PFKFB1: variants seen among roughly 807,000 people sequenced by gnomAD.
The protein encoded by PFKFB1 is 6-phosphofructo-2-kinase/fructose-2,6-bisphosphatase 1.
A neutral mutation model predicts 46.4 loss-of-function variants in PFKFB1; 34 were observed. The ratio of observed to expected loss-of-function variants is 0.73; its 90% CI spans 0.56 to 0.98. The LOEUF (loss-of-function observed/expected upper bound fraction) is 0.98. Among genes scored for constraint, PFKFB1 ranks in the 50% least tolerant of loss-of-function variants. PFKFB1 has a pLI of 0.00. For missense variants in PFKFB1, 393 were observed against 376.3 expected, an observed-to-expected ratio of 1.04 and a Z score of -0.37; for synonymous variants, 119 against 133.8, an observed-to-expected ratio of 0.89 and a Z score of 0.76.
chrX:54,945,185 C>T (rs1933762791), intron 10 of PFKFB1, among the ~76,000 whole-genome samples: 1 of 112,404 alleles, frequency 8.9e-6, no homozygotes, highest in African/African-American at 3.2e-5. Flanking sequence ...AGGATAAAGT[C>T]AGCACTTCTG....
At chrX:54,952,379 C>T (rs1201081533) in intron 7 of PFKFB1, among the ~76,000 whole-genome samples, 1 of 111,515 alleles carries the variant, frequency 9.0e-6, no homozygotes, top group Non-Finnish European at 1.9e-5. Flanking sequence ...TTCACCTTCA[C>T]TCATCCTGTT....
chrX:54,962,984 G>A (rs779370149), intron 2 of PFKFB1, among the ~76,000 whole-genome samples: 10 of 112,338 alleles, frequency 8.9e-5, no homozygotes, highest in Non-Finnish European at 1.5e-4. Context: ...TCACAGGATT[G>A]TTTTGAGGTC....
At chrX:54,945,860 A>G (rs1385820347) in intron 9 of PFKFB1, among the ~76,000 whole-genome samples, 3 of 110,817 alleles carry the variant, frequency 2.7e-5, no homozygotes, top group South Asian at 3.8e-4. Flanking sequence ...CATTATACAT[A>G]TAAGTATGTA....
At chrX:54,934,330 C>G (rs1484386101) in intron 12 of PFKFB1, among the ~76,000 whole-genome samples, 1 of 111,911 alleles carries the variant, frequency 8.9e-6, no homozygotes, top group Non-Finnish European at 1.9e-5. Flanking sequence ...CAAAGTTTAT[C>G]TGGAGGACAA....
At chrX:54,973,862 A>T in intron 1 of PFKFB1, among the ~76,000 whole-genome samples, 1 of 111,252 alleles carries the variant, frequency 9.0e-6, no homozygotes, top group Admixed American at 9.6e-5. Flanking sequence ...AATCAAAGTT[A>T]AAAAAAATTT....
chrX:54,965,166 C>G (rs985898679), intron 1 of PFKFB1, among the ~76,000 whole-genome samples: 13 of 111,570 alleles, frequency 1.2e-4, no homozygotes, highest in African/African-American at 4.2e-4. Flanking sequence ...ATGACTGACA[C>G]CAAACCACAG....
At chrX:54,964,065 T>G (rs1238998798) in intron 1 of PFKFB1, among the ~76,000 whole-genome samples, 2 of 110,315 alleles carry the variant, frequency 1.8e-5, no homozygotes, top group Non-Finnish European at 3.8e-5. Context: ...GAAAAAAGTC[T>G]TAGTCCTCAG....
At chrX:54,938,606 T>C (rs906757706) in intron 10 of PFKFB1, among the ~76,000 whole-genome samples, 3 of 111,118 alleles carry the variant, frequency 2.7e-5, no homozygotes, top group Non-Finnish European at 5.7e-5. Context: ...TAGTCTCTGA[T>C]AAAACAGACT....
chrX:54,994,983 A>G (rs1472496308), upstream of PFKFB1: 3 of 327,377 alleles, frequency 9.2e-6, no homozygotes, highest in Non-Finnish European at 1.2e-5. Flanking sequence ...AAATTTCACT[A>G]AAGTTCCTCA....
At chrX:54,975,832 G>A (rs1259578003) in intron 1 of PFKFB1, among the ~76,000 whole-genome samples, 1 of 111,341 alleles carries the variant, frequency 9.0e-6, no homozygotes, top group African/African-American at 3.3e-5. Context: ...AAGGTACAAA[G>A]TCAATTCAAT....
chrX:54,944,716 A>C (rs1933751115), intron 10 of PFKFB1, among the ~76,000 whole-genome samples: 2 of 112,196 alleles, frequency 1.8e-5, no homozygotes, highest in Non-Finnish European at 3.8e-5. Flanking sequence ...ACCTCTAATA[A>C]CATAGCCTCT....
chrX:54,939,473 C>G (rs1393646882), intron 10 of PFKFB1, among the ~76,000 whole-genome samples: 1 of 110,998 alleles, frequency 9.0e-6, no homozygotes, highest in Non-Finnish European at 1.9e-5. Context: ...TTGAAAAGAT[C>G]AACAAAATTG....
chrX:54,990,332 A>C (rs1935211262), intron 1 of PFKFB1, among the ~76,000 whole-genome samples: 1 of 111,663 alleles, frequency 9.0e-6, no homozygotes, highest in Admixed American at 9.5e-5. Flanking sequence ...TATAACTACA[A>C]ATGCAACAGA....
rs373786291 is a variant in PFKFB1 at position 54,985,062 on chromosome X, C to A, written c.97+8849G>T. Among the ~76,000 whole-genome samples, 7 of 110,441 alleles carry A rather than the reference C, an allele frequency of 6.3e-5. No homozygotes were observed. In the Admixed American group the frequency reaches 6.8e-4, roughly 11 times the overall value. On this transcript the variant is annotated intron_variant, in intron 1 of 13. Coordinates refer to ENST00000375006, the MANE Select transcript of PFKFB1 (RefSeq NM_002625.4). ...ATGAGAGAGCTCTGAAACTCTCCCC[C>A]CAAAACTAACTTTATTTTTAACATA...
At chrX:54,984,711 T>C (rs752724879) in intron 1 of PFKFB1, among the ~76,000 whole-genome samples, 1 of 111,528 alleles carries the variant, frequency 9.0e-6, no homozygotes, top group South Asian at 3.7e-4. Context: ...GAATGTCCCA[T>C]CAATACTTTG....
At chrX:54,945,333 T>C in intron 10 of PFKFB1, 106 bp downstream of exon 10, 1 of 453,109 alleles carries the variant, frequency 2.2e-6, no homozygotes, top group Admixed American at 4.4e-5. Context: ...CTGCAAGATA[T>C]GCTTACTCTG....
intron 8 of PFKFB1, among the ~76,000 whole-genome samples, chrX:54,949,899 A>G (rs1377183789): frequency 8.9e-6 from 1 of 112,485 alleles, no homozygotes; most frequent in Non-Finnish European, 1.9e-5. Flanking sequence ...CACTGTGAAC[A>G]CTTATTGCTT....
At chrX:54,938,074 G>A (rs1228750214) in intron 10 of PFKFB1, among the ~76,000 whole-genome samples, 2 of 111,394 alleles carry the variant, frequency 1.8e-5, no homozygotes, top group African/African-American at 3.3e-5. Context: ...AGAGAAAAAC[G>A]GAAAAAAACA....
intron 1 of PFKFB1, among the ~76,000 whole-genome samples, chrX:54,973,334 A>G (rs1934739269): frequency 9.1e-6 from 1 of 109,976 alleles, no homozygotes; most frequent in Admixed American, 9.7e-5. Flanking sequence ...TTGTGTCTCT[A>G]TTTTCTTCAG....
Sources: gnomAD v4.1 joint callset for allele counts (sites outside exome capture counted in the v4.1 genomes callset) on GRCh38, gnomAD v4.1.1 for gene constraint, MANE v1.5 for transcripts, NCBI Gene and HGNC (gene_info 2026-07-23, HGNC 2026-07-21) for gene names.